Variants in LRMDA observed in about 807,000 individuals in gnomAD.
LRMDA encodes leucine-rich melanocyte differentiation-associated protein.
A neutral mutation model predicts 29.8 loss-of-function variants in LRMDA; 18 were observed. That is an observed-to-expected ratio of 0.60 (90% CI 0.42 to 0.90). LRMDA has a LOEUF of 0.90. Ranked by LOEUF, LRMDA falls within the 40% of genes least tolerant of loss-of-function variation. The probability of loss-of-function intolerance (pLI) is 0.00; values close to 1 mark genes in which losing one functional copy is unlikely to be tolerated. For synonymous variants in LRMDA, 125 were observed against 109.4 expected, an observed-to-expected ratio of 1.14 and a Z score of -0.89; for missense variants, 273 against 273.9, an observed-to-expected ratio of 1.00 and a Z score of 0.02.
rs543303649 is a variant in LRMDA, at chr10:76,447,973, G to A, written c.602-109236G>A. On this transcript the variant is annotated intron_variant, in intron 6 of 6. Coordinates refer to ENST00000611255, the MANE Select transcript of LRMDA (RefSeq NM_001305581.2). ...ATTTCAGCTAGAATTGCTTTTTGTG[G>A]TGTAGCAAGGAAAATGTATTGAATG... Among the ~76,000 whole-genome samples the A allele has an allele frequency of 1.1e-3, 160 of 152,200 alleles. 1 individual carries two copies. The highest frequency in any genetic ancestry group is 3.7e-3 in the African/African-American group (152 of 41,534).
intron 2 of LRMDA, among the ~76,000 whole-genome samples, chr10:75,599,764 C>A (rs1840857221): frequency 6.6e-6 from 1 of 152,064 alleles, no homozygotes. Context: ...GACTGAGGAA[C>A]CGAATTTTAA....
chr10:75,793,663 C>T (rs1367653196), intron 2 of LRMDA, among the ~76,000 whole-genome samples: 1 of 152,142 alleles, frequency 6.6e-6, no homozygotes, highest in African/African-American at 2.4e-5. Flanking sequence ...ACTTTGTAAT[C>T]ATATCACTGA....
In LRMDA at chr10:75,467,803, A is replaced by T. The variant is rs534936317; in HGVS notation, c.131+29309A>T. 2.4e-4 allele frequency among the ~76,000 whole-genome samples: 36 copies of T among 152,252 alleles called. No individual in the cohort carries two copies. The South Asian group carries it at 7.3e-3, about 31-fold the overall frequency. On this transcript the variant is annotated intron_variant, in intron 2 of 6. Transcript: ENST00000611255. ...TGGTGAAACCCCATCTCTACTAAAA[A>T]TACAAAAATTATCTGGGGCTGGCGG...
intron 2 of LRMDA, among the ~76,000 whole-genome samples, chr10:75,954,373 C>G (rs921751637): frequency 2.2e-4 from 33 of 152,264 alleles, no homozygotes; most frequent in African/African-American, 7.7e-4. Context: ...TCATATGCAG[C>G]CCCAAAAGAA....
intron 5 of LRMDA, 27 bp from the exon 6 acceptor site, chr10:76,324,374 C>T (rs1229235624): frequency 6.2e-7 from 1 of 1,607,490 alleles, no homozygotes; most frequent in Admixed American, 1.7e-5. Context: ...GGTGTTGCTT[C>T]ATGTTGACTT....
At chr10:76,220,588 G>T (rs545469031) in intron 5 of LRMDA, among the ~76,000 whole-genome samples, 20 of 152,236 alleles carry the variant, frequency 1.3e-4, no homozygotes, top group African/African-American at 3.4e-4. Context: ...TTGAATCTCT[G>T]AATAGACCAA....
intron 6 of LRMDA, among the ~76,000 whole-genome samples, chr10:76,457,337 C>T (rs1842466463): frequency 6.6e-6 from 1 of 152,168 alleles, no homozygotes; most frequent in Admixed American, 6.5e-5. Context: ...ATTCATGACA[C>T]ACTTTCTCAG....
At chr10:76,485,144 G>A (rs1325011714) in intron 6 of LRMDA, among the ~76,000 whole-genome samples, 1 of 151,634 alleles carries the variant, frequency 6.6e-6, no homozygotes, top group Non-Finnish European at 1.5e-5. Context: ...AGTGATTACC[G>A]ACATAGTTGG....
chr10:76,052,451 G>T (rs778269867), intron 4 of LRMDA, among the ~76,000 whole-genome samples: 2 of 151,650 alleles, frequency 1.3e-5, no homozygotes, highest in Non-Finnish European at 2.9e-5. Context: ...AGCAGCCATT[G>T]CCCTGGGGAT....
chr10:76,303,054 C>T (rs558721184), intron 5 of LRMDA, among the ~76,000 whole-genome samples: 3 of 152,232 alleles, frequency 2.0e-5, no homozygotes, highest in Non-Finnish European at 4.4e-5. Context: ...AGTTGTAGGC[C>T]GATGCTTAGC....
intron 6 of LRMDA, 78 bp downstream of exon 6, chr10:76,324,563 G>A: frequency 1.6e-6 from 2 of 1,243,424 alleles, no homozygotes; most frequent in Non-Finnish European, 2.4e-6. Flanking sequence ...GCTCATTACT[G>A]CTGCCTCGGC....
At chr10:75,582,639 A>C (rs1052477136) in intron 2 of LRMDA, among the ~76,000 whole-genome samples, 1 of 152,124 alleles carries the variant, frequency 6.6e-6, no homozygotes, top group African/African-American at 2.4e-5. Context: ...CATTTCCCCC[A>C]TTGTTTTGGT....
At chr10:76,311,432 T>G (rs575117945) in intron 5 of LRMDA, among the ~76,000 whole-genome samples, 1 of 152,346 alleles carries the variant, frequency 6.6e-6, no homozygotes, top group East Asian at 1.9e-4. Context: ...ATTTATGACT[T>G]TCTATTTTTG....
chr10:75,435,594 G>T (rs1053634251), intron 1 of LRMDA, among the ~76,000 whole-genome samples: 4 of 152,194 alleles, frequency 2.6e-5, no homozygotes, highest in Admixed American at 2.6e-4. Flanking sequence ...TCACATTTGA[G>T]AACAGTGAGA....
At chr10:75,839,290 ATGT>A (rs1233198543) in intron 2 of LRMDA, among the ~76,000 whole-genome samples, 1 of 152,190 alleles carries the variant, frequency 6.6e-6, no homozygotes, top group Admixed American at 6.5e-5. Flanking sequence ...GAGCAAACAG[ATGT>A]TGTGAATTTT....
chr10:75,799,933 G>C (rs1043997988), intron 2 of LRMDA, among the ~76,000 whole-genome samples: 1 of 152,066 alleles, frequency 6.6e-6, no homozygotes, highest in Non-Finnish European at 1.5e-5. Flanking sequence ...TAGATCACTT[G>C]ATATGTTTGC....
intron 2 of LRMDA, among the ~76,000 whole-genome samples, chr10:75,848,945 C>T (rs1040763370): frequency 2.0e-5 from 3 of 152,162 alleles, no homozygotes; most frequent in African/African-American, 7.2e-5. Flanking sequence ...CTTGACCAGC[C>T]AGCTTCCTAT....
intron 5 of LRMDA, among the ~76,000 whole-genome samples, chr10:76,231,640 A>C (rs189408488): frequency 1.6e-4 from 25 of 152,350 alleles, no homozygotes; most frequent in Admixed American, 4.6e-4. Context: ...TAACTTTACT[A>C]CTGCTCCTTT....
At chr10:76,544,268 C>A (rs75330404) in intron 6 of LRMDA, among the ~76,000 whole-genome samples, 3,178 of 152,238 alleles carry the variant, frequency 0.021, 69 homozygotes, top group African/African-American at 0.057. Context: ...CTCACATTGG[C>A]CCATGGGCAA....
Sources: gnomAD v4.1 joint callset for allele counts (sites outside exome capture counted in the v4.1 genomes callset) on GRCh38, gnomAD v4.1.1 for gene constraint, MANE v1.5 for transcripts, NCBI Gene and HGNC (gene_info 2026-07-23, HGNC 2026-07-21) for gene names.